Variants in HIP1R observed in about 807,000 individuals in gnomAD.
HIP1R encodes huntingtin-interacting protein 1-related protein.
Under a neutral mutation model 144.2 loss-of-function variants are expected in HIP1R, and 135 were observed. The ratio of observed to expected loss-of-function variants is 0.94; its 90% CI spans 0.81 to 1.08. The LOEUF (loss-of-function observed/expected upper bound fraction) is 1.08, where lower values mean the gene tolerates loss of function less well. HIP1R is among the 50% of genes least tolerant of loss of function. The probability of loss-of-function intolerance (pLI) is 0.00; values close to 1 mark genes in which losing one functional copy is unlikely to be tolerated. For missense variants in HIP1R, 1,462 were observed against 1,432.8 expected, an observed-to-expected ratio of 1.02 and a Z score of -0.33; for synonymous variants, 698 against 612.8, an observed-to-expected ratio of 1.14 and a Z score of -2.05.
At chr12:122,844,044 G>A (rs533039780) in intron 1 of HIP1R, among the ~76,000 whole-genome samples, 197 of 152,198 alleles carry the variant, frequency 1.3e-3, no homozygotes, top group Non-Finnish European at 2.2e-3. Flanking sequence ...TCGCCATGTT[G>A]GCCAGGCTGG....
Position 122,848,073 on chromosome 12 carries a change from G to C in HIP1R, c.136G>C (p.Val46Leu). 1 of 1,613,586 alleles carries C rather than the reference G, an allele frequency of 6.2e-7. No homozygotes were observed. The highest frequency in any genetic ancestry group is 1.1e-5 in the South Asian group (1 of 91,086). The change falls in exon 2 of 32, where the codon GTG (valine) becomes CTG (leucine). Residue 46 changes from valine (V) to leucine (L), a missense_variant. By Grantham distance (32) the Val-to-Leu change is conservative. Coordinates refer to ENST00000253083, the MANE Select transcript of HIP1R (RefSeq NM_003959.3). The stretch of plus-strand genomic sequence containing the variant: ...AGCCATCAACACCCAGGAGGCCCCC[G>C]TGAAGGAGAAGCACGCCCGGCGTAT... ...SKAINTQEAP[V>L]KEKHARRIIL... is the part of the protein sequence containing the mutation.
At chr12:122,860,115 G>A in intron 25 of HIP1R, 33 bp from the exon 26 acceptor site, 1 of 1,586,158 alleles carries the variant, frequency 6.3e-7, no homozygotes, top group Non-Finnish European at 8.6e-7. Flanking sequence ...GCACCTGGAG[G>A]GCCACCAGTC....
At chr12:122,859,030 G>GT (rs2033682687) in intron 21 of HIP1R, 31 bp from the exon 22 acceptor site, 1 of 1,606,514 alleles carries the variant, frequency 6.2e-7, no homozygotes, top group Non-Finnish European at 8.5e-7. Context: ...TCGGTGGGGG[G>GT]GGCTCCACTC....
At chr12:122,853,805 T>G in intron 7 of HIP1R, 1 of 430,302 alleles carries the variant, frequency 2.3e-6, no homozygotes. Context: ...TGGAAGCCCT[T>G]GCTGAGCTGG....
chr12:122,843,960 C>CA (rs1160049691), intron 1 of HIP1R, among the ~76,000 whole-genome samples: 1 of 152,084 alleles, frequency 6.6e-6, no homozygotes, highest in Non-Finnish European at 1.5e-5. Context: ...TTCTCTGCCT[C>CA]AGCTTCCTGA....
In HIP1R at chr12:122,855,995, G is replaced by A. The variant is rs139835095; in HGVS notation, c.1144G>A (p.Ala382Thr). The change falls in exon 14 of 32, where the codon GCG (alanine) becomes ACG (threonine). Residue 382 changes from alanine to threonine, a missense_variant. Ala to Thr is a moderately conservative substitution (Grantham distance 58). Around this residue, in one of 2 missense-constraint regions of HIP1R, gnomAD observed 1,112 missense variants for 1,011.7 expected, o/e 1.10. Coordinates refer to ENST00000253083, the MANE Select transcript of HIP1R (RefSeq NM_003959.3). The part of the protein sequence containing the change: ...KIKLEAQRYI[A>T]QLKSQVNALE... Reference sequence around the variant, plus strand: ...CCTCCCGCAGGCCCAGCGGTACATCGCGCAGCTGAAGAGCCAGGTGAATGC... The same window carrying A: ...CCTCCCGCAGGCCCAGCGGTACATCACGCAGCTGAAGAGCCAGGTGAATGC... 160 of 1,590,748 alleles carry A rather than the reference G, an allele frequency of 1.0e-4. No homozygotes were observed. In the African/African-American group the frequency reaches 1.2e-3, roughly 12 times the overall value.
intron 1 of HIP1R, among the ~76,000 whole-genome samples, chr12:122,845,009 G>A (rs923086074): frequency 6.6e-6 from 1 of 152,260 alleles, no homozygotes; most frequent in Non-Finnish European, 1.5e-5. Flanking sequence ...CGGCAGCTGT[G>A]AGGACAGCAT....
chr12:122,859,159 G>A lies in HIP1R; in HGVS notation c.2257G>A (p.Val753Met), dbSNP rs1477932667. 1.3e-6 allele frequency: 2 copies of A among 1,579,532 alleles called. No individual in the cohort carries two copies. Among genetic ancestry groups the A allele is most frequent in the Non-Finnish European group, 1.7e-6 (2 of 1,163,622 alleles). ...QALRHMQASL[V>M]RTPLQGILQL... Reference sequence around the variant, plus strand: ...TCTGCGGCACATGCAGGCCAGCCTGGTGCGGACACCCCTGCAGGGCATCCT... The same window carrying A: ...TCTGCGGCACATGCAGGCCAGCCTGATGCGGACACCCCTGCAGGGCATCCT... Residue 753 changes from valine (V) to methionine (M), a missense_variant, in exon 22 of 32, where the codon GTG (valine) becomes ATG (methionine). By Grantham distance (21) the Val-to-Met change is conservative. This residue lies in a region of HIP1R where 1,112 missense variants were observed against 1,011.7 expected (regional missense o/e 1.10). Transcript: ENST00000253083.
At position 122,840,916 on chromosome 12, in the gene HIP1R, C is replaced by T. The variant is rs963562497; in HGVS notation, c.93+5273C>T. Reference sequence around the variant, plus strand: ...CCCTCTGAATAGGGACAGGCGCAGACGAGGCCCCTTCTCTGACCTGATCCA... The same window carrying T: ...CCCTCTGAATAGGGACAGGCGCAGATGAGGCCCCTTCTCTGACCTGATCCA... On this transcript the variant is annotated intron_variant, in intron 1 of 31. Coordinates refer to ENST00000253083, the MANE Select transcript of HIP1R (RefSeq NM_003959.3). This position sits in a 1 kb window ranked among gnomAD's most constrained non-coding sequence, Gnocchi z 4.2. Among the ~76,000 whole-genome samples, 4 of 152,186 alleles carry T rather than the reference C, an allele frequency of 2.6e-5. No individual in the cohort carries two copies. Among genetic ancestry groups the T allele is most frequent in the Non-Finnish European group, 4.4e-5 (3 of 68,036 alleles).
Position 122,855,850 on chromosome 12 carries a change from T to G in HIP1R, c.1075T>G (p.Leu359Val). The change falls in exon 13 of 32, where the codon TTG becomes GTG. Residue 359 changes from leucine to valine, a missense_variant. Leu to Val is a conservative substitution (Grantham distance 32, BLOSUM62 1). Coordinates refer to ENST00000253083, the MANE Select transcript of HIP1R (RefSeq NM_003959.3). ...KDDRDLQIES[L>V]KREVEMLRSE... ...CCCCAGGGACCTCCAGATTGAGAGCTTGAAGAGAGAGGTGGAAATGCTCCG... is the reference window on the plus strand; with the variant it reads ...CCCCAGGGACCTCCAGATTGAGAGCGTGAAGAGAGAGGTGGAAATGCTCCG... 6.4e-7 allele frequency: 1 copy of G among 1,566,234 alleles called. No individual in the cohort carries two copies. The highest frequency in any genetic ancestry group is 8.7e-7 in the Non-Finnish European group (1 of 1,154,862).
At position 122,859,085 on chromosome 12, in the gene HIP1R, G is replaced by C. The variant is rs2033684113; in HGVS notation, c.2183G>C (p.Cys728Ser). ...GGCCTCATAGACACCTGCAGGGAGTGCGGGGCCCGGGCTCTGGAGCTCATG... is the reference window on the plus strand; with the variant it reads ...GGCCTCATAGACACCTGCAGGGAGTCCGGGGCCCGGGCTCTGGAGCTCATG... The part of the protein sequence containing the change: ...ADRLIDTCRE[C>S]GARALELMGQ... The change falls in exon 22 of 32, where the codon TGC (cysteine) becomes TCC (serine). Residue 728 changes from cysteine to serine, a missense_variant. By Grantham distance (112) the Cys-to-Ser change is moderately radical. Transcript: ENST00000253083. The C allele has an allele frequency of 4.4e-6, 7 of 1,604,508 alleles. No homozygotes were observed. Among genetic ancestry groups the C allele is most frequent in the Non-Finnish European group, 6.0e-6 (7 of 1,176,200 alleles).
Position 122,848,185 on chromosome 12 carries a change from G to A in HIP1R, c.157+91G>A. The A allele has an allele frequency of 2.2e-6, 3 of 1,384,642 alleles. No individual in the cohort carries two copies. In the East Asian group the frequency reaches 7.0e-5, roughly 32 times the overall value. 85.8% of individuals were successfully genotyped at this position (1,384,642 alleles called of 1,614,324 possible). A position where few individuals can be genotyped will look rare whatever the true frequency, so the allele number is the denominator to read the frequency against. On this transcript the variant is annotated intron_variant, in intron 2 of 31. Coordinates refer to ENST00000253083, the MANE Select transcript of HIP1R (RefSeq NM_003959.3). The stretch of plus-strand genomic sequence containing the variant: ...GTGGCCTGCGGTCAGCTGTGCCGGG[G>A]TCACAAGTTCCCTCACTGAGCCCGG...
intron 8 of HIP1R, among the ~76,000 whole-genome samples, chr12:122,854,593 T>TA (rs2135665179): frequency 6.6e-6 from 1 of 152,326 alleles, no homozygotes; most frequent in South Asian, 2.1e-4. Context: ...ACCACTGTGT[T>TA]AGTGTCAGCC....
Position 122,861,305 on chromosome 12 carries a change from C to T in HIP1R, c.2953-3C>T, listed in dbSNP as rs761793332. 3 of 1,613,660 alleles carry T rather than the reference C, an allele frequency of 1.9e-6. No individual in the cohort carries two copies. The highest frequency in any genetic ancestry group is 1.1e-5 in the South Asian group (1 of 91,084). On this transcript the variant is annotated splice_region_variant and splice_polypyrimidine_tract_variant and intron_variant, in intron 30 of 31. Transcript: ENST00000253083. Reference sequence around the variant, plus strand: ...CTGGGCTGAGCAGGCCGTGTGGCTACAGGTGCGTGTCCTGGAGCTGGAGAA... The same window carrying T: ...CTGGGCTGAGCAGGCCGTGTGGCTATAGGTGCGTGTCCTGGAGCTGGAGAA...
rs537676507 is a variant in HIP1R, at chr12:122,857,202, G to A, written c.1802G>A (p.Arg601Gln). 499 of 1,550,276 alleles carry A rather than the reference G, an allele frequency of 3.2e-4. No homozygotes were observed. Among genetic ancestry groups the A allele is most frequent in the Admixed American group, 5.7e-4 (29 of 50,984 alleles). Residue 601 changes from arginine to glutamine, a missense_variant, in exon 18 of 32, where the codon CGG becomes CAG. Arg to Gln is a conservative substitution (Grantham distance 43). Coordinates refer to ENST00000253083, the MANE Select transcript of HIP1R (RefSeq NM_003959.3). Reference protein sequence around the residue: ...SSQEQGELQGRLAERESQEQG... With the variant: ...SSQEQGELQGQLAERESQEQG... Reference sequence around the variant, plus strand: ...CAGGAGCAGGGCGAGTTGCAGGGCCGGCTGGCAGAGAGGGTATGGCCTCCC... The same window carrying A: ...CAGGAGCAGGGCGAGTTGCAGGGCCAGCTGGCAGAGAGGGTATGGCCTCCC...
Position 122,859,791 on chromosome 12 carries a change from G to A in HIP1R, c.2426G>A (p.Arg809His), listed in dbSNP as rs748671805. 10 of 1,612,810 alleles carry A rather than the reference G, an allele frequency of 6.2e-6. No individual in the cohort carries two copies. Among genetic ancestry groups the A allele is most frequent in the African/African-American group, 1.3e-5 (1 of 74,924 alleles). Residue 809 changes from arginine (R) to histidine (H), a missense_variant, in exon 24 of 32, where the codon CGC becomes CAC. Around this residue, in one of 2 missense-constraint regions of HIP1R, gnomAD observed 1,112 missense variants for 1,011.7 expected, o/e 1.10. Coordinates refer to ENST00000253083, the MANE Select transcript of HIP1R (RefSeq NM_003959.3). ...GTGCAGGACATGATGAACCAGGCAC[G>A]CCACGCCAGCTCGGGGGTGAAGCTG... ...RRIEDMMNQA[R>H]HASSGVKLEV...
In HIP1R at chr12:122,849,892, C is replaced by G; in HGVS notation, c.375C>G (p.Arg125=). 3.1e-6 allele frequency: 5 copies of G among 1,613,370 alleles called. No individual in the cohort carries two copies. Among genetic ancestry groups the G allele is most frequent in the Non-Finnish European group, 4.2e-6 (5 of 1,179,756 alleles). The part of the protein sequence containing the change: ...IGDLWGHLHD[R]YGQLVNVYTK... ...TCACACAGGGACATTTGCATGACCG[C>G]TACGGACAGCTGGTGAATGTCTACA... Residue 125 remains arginine (R), a synonymous_variant, in exon 5 of 32, where the codon CGC becomes CGG. Transcript: ENST00000253083.
chr12:122,842,794 C>A (rs1360093607), intron 1 of HIP1R, among the ~76,000 whole-genome samples: 1 of 152,242 alleles, frequency 6.6e-6, no homozygotes, highest in African/African-American at 2.4e-5. Context: ...TCTTCTGAGG[C>A]AGCACTCACT....
At chr12:122,837,894 G>A (rs1040953611) in intron 1 of HIP1R, among the ~76,000 whole-genome samples, 2 of 152,196 alleles carry the variant, frequency 1.3e-5, no homozygotes, top group African/African-American at 2.4e-5. Context: ...TGGTGGAAAA[G>A]GACCTGGAGA....
Sources: gnomAD v4.1 joint callset for allele counts (sites outside exome capture counted in the v4.1 genomes callset) on GRCh38, gnomAD v4.1.1 for gene constraint, gnomAD v4.1.1 regional missense constraint, Gnocchi (gnomAD v3.1) non-coding constraint, MANE v1.5 for transcripts, NCBI Gene and HGNC (gene_info 2026-07-23, HGNC 2026-07-21) for gene names.